Variants in KDM5B observed in about 807,000 individuals in gnomAD.
KDM5B encodes the protein lysine demethylase 5B, also known as lysine-specific demethylase 5B.
In KDM5B, 144 loss-of-function variants were observed where a neutral mutation model predicts 193.4. The observed-to-expected ratio is 0.74, with a 90% CI of 0.65 to 0.86. KDM5B has a LOEUF of 0.86. Ranked by LOEUF, KDM5B falls within the 40% of genes least tolerant of loss-of-function variation. KDM5B has a pLI of 0.00. For missense variants in KDM5B, 1,833 were observed against 1,886.9 expected (o/e 0.97, Z 0.53); for synonymous variants, 668 against 682.6 (o/e 0.98, Z 0.33).
In KDM5B at chr1:202,770,891, T is replaced by C. The variant is rs376033275; in HGVS notation, c.576+2227A>G. Among the ~76,000 whole-genome samples, 3 of 152,230 alleles carry C rather than the reference T, an allele frequency of 2.0e-5. No homozygotes were observed. In the East Asian group the frequency reaches 5.8e-4, roughly 29 times the overall value. On this transcript the variant is annotated intron_variant, in intron 4 of 26. Transcript: ENST00000367265. ...TGGCACAGAGTAAGTCCCTCACAAA[T>C]ATCTACCTATATTGTAGATGCAATG...
At position 202,756,641 on chromosome 1, in the gene KDM5B, G is replaced by A. The variant is rs916297389; in HGVS notation, c.1198-125C>T. 7 of 623,328 alleles carry A rather than the reference G, an allele frequency of 1.1e-5. No individual in the cohort carries two copies. In the Admixed American group the frequency reaches 1.1e-4, roughly 10 times the overall value. The allele number at this position is 623,328 out of a possible 1,614,324, so 38.6% of individuals were successfully genotyped here. ...ATTGTGTCTATAATGTTCTATAATT[G>A]ATCTTAGGCAATTCAGGAAACCTCT... is the stretch of plus-strand genomic sequence containing the variant. On this transcript the variant is annotated intron_variant, in intron 9 of 26. Transcript: ENST00000367265.
chr1:202,740,766 C>T lies in KDM5B; in HGVS notation c.2992G>A (p.Glu998Lys), dbSNP rs766624254. The change falls in exon 20 of 27, where the codon GAA becomes AAA. Residue 998 changes from glutamate to lysine, a missense_variant. This residue lies in a region of KDM5B where 1,379 missense variants were observed against 1,349.6 expected (regional missense o/e 1.02). Transcript: ENST00000367265. ...TTGGGCAGATATGCAGGGATCTCTT[C>T]GATTTCCTTTACTGCCGTAGCAAGG... ...NSLATAVKEI[E>K]EIPAYLPNGA... 10 of 1,612,908 alleles carry T rather than the reference C, an allele frequency of 6.2e-6. No individual in the cohort carries two copies. The Admixed American group carries it at 8.3e-5, about 13-fold the overall frequency.
At chr1:202,741,330 C>T (rs1252161894) in intron 19 of KDM5B, 37 bp downstream of exon 19, 1 of 1,447,344 alleles carries the variant, frequency 6.9e-7, no homozygotes, top group African/African-American at 1.4e-5. Context: ...AGATAACTGT[C>T]CAACCTTCCC....
chr1:202,753,162 T>C lies in KDM5B; in HGVS notation c.1539-95A>G, dbSNP rs917060823. The C allele has an allele frequency of 4.6e-6, 5 of 1,086,666 alleles. No homozygotes were observed. The African/African-American group carries it at 6.3e-5, about 14-fold the overall frequency. 67.3% of individuals were successfully genotyped at this position (1,086,666 alleles called of 1,614,324 possible). Reference sequence around the variant, plus strand: ...TTTTTCAGACTCGGCTTTGTAAGACTACGCAAAAAAGGAATCCACAAACTG... The same window carrying C: ...TTTTTCAGACTCGGCTTTGTAAGACCACGCAAAAAAGGAATCCACAAACTG... On this transcript the variant is annotated intron_variant, in intron 11 of 26. Coordinates refer to ENST00000367265, the MANE Select transcript of KDM5B (RefSeq NM_006618.5).
At chr1:202,780,736 AC>A (rs1296601313) in intron 1 of KDM5B, among the ~76,000 whole-genome samples, 3 of 151,898 alleles carry the variant, frequency 2.0e-5, no homozygotes, top group Non-Finnish European at 4.4e-5. Context: ...AAAAACTAGA[AC>A]AAAAACATGT....
chr1:202,766,041 C>G (rs1294698451), intron 5 of KDM5B, among the ~76,000 whole-genome samples: 1 of 152,160 alleles, frequency 6.6e-6, no homozygotes, highest in African/African-American at 2.4e-5. Context: ...GAGACCTTGT[C>G]TTTATTAAAA....
At chr1:202,753,929 G>A (rs1655904825) in intron 11 of KDM5B, among the ~76,000 whole-genome samples, 1 of 152,114 alleles carries the variant, frequency 6.6e-6, no homozygotes, top group South Asian at 2.1e-4. Context: ...TCAGCTTAGT[G>A]CTGAGATTAC....
intron 24 of KDM5B, 122 bp downstream of exon 24, chr1:202,731,706 G>C (rs879580472): frequency 1.3e-4 from 95 of 747,948 alleles, no homozygotes; most frequent in South Asian, 3.0e-4. Flanking sequence ...ATACATAATA[G>C]CCTATATCCT....
In KDM5B at chr1:202,733,411, T is replaced by C. The variant is rs1161253426; in HGVS notation, c.3899A>G (p.Asp1300Gly). 6.2e-7 allele frequency: 1 copy of C among 1,611,204 alleles called. No individual in the cohort carries two copies. Among genetic ancestry groups the C allele is most frequent in the East Asian group, 2.2e-5 (1 of 44,796 alleles). The stretch of plus-strand genomic sequence containing the variant: ...AAAGTCCAGATTCACCTTGTTTGTG[T>C]CTGACACCTGTCCTGCTGAGGCTTG... ...RWQASAGQVSDTNKVSQPPGT... is the reference protein window; with the variant it reads ...RWQASAGQVSGTNKVSQPPGT... The change falls in exon 23 of 27, where the codon GAC becomes GGC. Residue 1300 changes from aspartate (D) to glycine (G), a missense_variant. Transcript: ENST00000367265.
At chr1:202,791,949 C>T (rs1024206932) in intron 1 of KDM5B, among the ~76,000 whole-genome samples, 1 of 152,082 alleles carries the variant, frequency 6.6e-6, no homozygotes, top group African/African-American at 2.4e-5. Context: ...GAACTACTGA[C>T]CTCGTCTCAG....
chr1:202,798,584 C>T (rs1178455868), intron 1 of KDM5B, among the ~76,000 whole-genome samples: 1 of 152,042 alleles, frequency 6.6e-6, no homozygotes, highest in African/African-American at 2.4e-5. Flanking sequence ...GAAAAATTAG[C>T]CAGGCATGGT....
chr1:202,742,828 T>C, intron 16 of KDM5B, 23 bp from the exon 17 acceptor site: 1 of 1,604,906 alleles, frequency 6.2e-7, no homozygotes, highest in Non-Finnish European at 8.5e-7. Flanking sequence ...AAAAAAGTCA[T>C]ATTTTCTGTA....
intron 1 of KDM5B, among the ~76,000 whole-genome samples, chr1:202,784,218 A>G (rs1411033145): frequency 1.3e-5 from 2 of 152,232 alleles, no homozygotes; most frequent in South Asian, 4.1e-4. Flanking sequence ...TAATTATAGA[A>G]AGGCTGTCAT....
chr1:202,740,016 G>A lies in KDM5B; in HGVS notation c.3084+658C>T, dbSNP rs531281966. 1.8e-3 allele frequency among the ~76,000 whole-genome samples: 274 copies of A among 152,260 alleles called. 2 individuals carry two copies. Among genetic ancestry groups the A allele is most frequent in the African/African-American group, 6.3e-3 (261 of 41,554 alleles). ...ACACCTCCCAGACGGGGTGGTGGCCGGGCAGAGGAGCTCCTCACATCCCAG... is the reference window on the plus strand; with the variant it reads ...ACACCTCCCAGACGGGGTGGTGGCCAGGCAGAGGAGCTCCTCACATCCCAG... On this transcript the variant is annotated intron_variant, in intron 20 of 26. Coordinates refer to ENST00000367265, the MANE Select transcript of KDM5B (RefSeq NM_006618.5).
chr1:202,770,433 T>A lies in KDM5B; in HGVS notation c.576+2685A>T, dbSNP rs114872884. ...CAATAATTCCTTTACTGTACACCTC[T>A]GTTTTTCTTAAGTATATGTTCTTCA... On this transcript the variant is annotated intron_variant, in intron 4 of 26. Coordinates refer to ENST00000367265, the MANE Select transcript of KDM5B (RefSeq NM_006618.5). Among the ~76,000 whole-genome samples, 1,182 of 152,312 alleles carry A rather than the reference T, an allele frequency of 7.8e-3. 18 individuals are homozygous for A. Among genetic ancestry groups the A allele is most frequent in the African/African-American group, 0.027 (1,117 of 41,564 alleles).
chr1:202,763,976 T>G (rs1558499643), intron 6 of KDM5B, 73 bp downstream of exon 6: 1 of 849,566 alleles, frequency 1.2e-6, no homozygotes, highest in Non-Finnish European at 1.9e-6. Flanking sequence ...AATTTTCAGC[T>G]TATGTTTACT....
chr1:202,768,659 C>CCTACTTAAACCTACAT (rs1369853197), intron 4 of KDM5B, among the ~76,000 whole-genome samples: 3 of 151,840 alleles, frequency 2.0e-5, no homozygotes, highest in Admixed American at 1.3e-4. Context: ...AAATATTAAA[C>CCTACTTAAACCTACAT]ATTCTGCTCA....
intron 7 of KDM5B, among the ~76,000 whole-genome samples, 159 bp downstream of exon 7, chr1:202,762,540 T>C (rs1438908893): frequency 6.6e-6 from 1 of 152,202 alleles, no homozygotes; most frequent in Non-Finnish European, 1.5e-5. Context: ...ACTAACACTA[T>C]AAACTGACTT....
intron 1 of KDM5B, among the ~76,000 whole-genome samples, chr1:202,782,173 C>T (rs1370454675): frequency 6.6e-6 from 1 of 152,034 alleles, no homozygotes; most frequent in Non-Finnish European, 1.5e-5. Flanking sequence ...AAATGGATCA[C>T]TACAAACTCT....
Sources: allele counts gnomAD v4.1 joint callset (sites outside exome capture counted in the v4.1 genomes callset), GRCh38; gene constraint gnomAD v4.1.1; regional missense constraint gnomAD v4.1.1; transcripts MANE v1.5; gene names NCBI Gene and HGNC (gene_info 2026-07-23, HGNC 2026-07-21).